Variants in SLC35F3 observed in about 807,000 individuals in gnomAD.
SLC35F3 encodes the protein solute carrier family 35 member F3, also known as putative thiamine transporter SLC35F3.
SLC35F3 carries 25 observed loss-of-function variants against 49.9 expected under a neutral mutation model. The ratio of observed to expected loss-of-function variants is 0.50; its 90% CI spans 0.37 to 0.70. SLC35F3 has a LOEUF of 0.70. SLC35F3 is among the 30% of genes least tolerant of loss of function. The probability of loss-of-function intolerance (pLI) is 0.00; values close to 1 mark genes in which losing one functional copy is unlikely to be tolerated. For missense variants in SLC35F3, 525 were observed against 639.8 expected, an observed-to-expected ratio of 0.82 and a Z score of 1.94; for synonymous variants, 275 against 265.4, an observed-to-expected ratio of 1.04 and a Z score of -0.35.
At chr1:234,136,304 C>T (rs7553669) in intron 2 of SLC35F3, among the ~76,000 whole-genome samples, 30,218 of 148,272 alleles carry the variant, frequency 0.2, 4,259 homozygotes, top group East Asian at 0.74. Flanking sequence ...TTTCTTTCTC[C>T]TTTCTCTCTT....
intron 2 of SLC35F3, among the ~76,000 whole-genome samples, chr1:234,115,835 GT>G (rs1318630561): frequency 1.3e-5 from 2 of 152,244 alleles, no homozygotes; most frequent in East Asian, 3.9e-4. Flanking sequence ...ATCTCAATCA[GT>G]TTTGAGGTTA....
At chr1:234,019,367 T>TGA (rs10631137) in intron 2 of SLC35F3, among the ~76,000 whole-genome samples, 22,585 of 151,674 alleles carry the variant, frequency 0.15, 2,935 homozygotes, top group African/African-American at 0.33. Flanking sequence ...GTGTGTGTAA[T>TGA]GAGAGAGAGA....
Position 234,316,738 on chromosome 1 carries a change from G to A in SLC35F3, c.954+11G>A. The stretch of plus-strand genomic sequence containing the variant: ...TCTGCCCTCTACAAGGTACGCCCGG[G>A]GAGTGAACTTTCTCAGCTGGCTGGG... On this transcript the variant is annotated intron_variant, in intron 5 of 7. Transcript: ENST00000366618. 6.3e-7 allele frequency: 1 copy of A among 1,592,112 alleles called. No individual in the cohort carries two copies. The highest frequency in any genetic ancestry group is 8.6e-7 in the Non-Finnish European group (1 of 1,162,152).
intron 2 of SLC35F3, among the ~76,000 whole-genome samples, chr1:234,171,421 G>A (rs1468895828): frequency 6.6e-6 from 1 of 152,180 alleles, no homozygotes; most frequent in East Asian, 1.9e-4. Flanking sequence ...GATGTGATCT[G>A]GCACATGTTG....
At chr1:233,931,980 C>G (rs1218117089) in intron 2 of SLC35F3, among the ~76,000 whole-genome samples, 1 of 152,178 alleles carries the variant, frequency 6.6e-6, no homozygotes, top group African/African-American at 2.4e-5. Context: ...AGGATGAGTT[C>G]ATGTCCTTTG....
chr1:234,041,530 C>G (rs1664221968), intron 2 of SLC35F3, among the ~76,000 whole-genome samples: 1 of 151,934 alleles, frequency 6.6e-6, no homozygotes. Context: ...ATGCAGCTAT[C>G]CATCTAGTGT....
Position 234,214,499 on chromosome 1 carries a change from A to C in SLC35F3, c.284-16918A>C. 1.3e-6 allele frequency: 2 copies of C among 1,535,096 alleles called. No homozygotes were observed. Among genetic ancestry groups the C allele is most frequent in the Non-Finnish European group, 1.8e-6 (2 of 1,142,424 alleles). On this transcript the variant is annotated intron_variant, in intron 2 of 7. Coordinates refer to ENST00000366618, the MANE Select transcript of SLC35F3 (RefSeq NM_173508.4). This position sits in a 1 kb window ranked among gnomAD's most constrained non-coding sequence, Gnocchi z 8.0. Reference sequence around the variant, plus strand: ...CGCTCCTGCAGGCGGCCGGCTCATCATGAAGAAGCACTCGGCCCGGGTGGC... The same window carrying C: ...CGCTCCTGCAGGCGGCCGGCTCATCCTGAAGAAGCACTCGGCCCGGGTGGC...
At chr1:233,938,538 C>G (rs774028219) in intron 2 of SLC35F3, among the ~76,000 whole-genome samples, 1 of 152,028 alleles carries the variant, frequency 6.6e-6, no homozygotes, top group Non-Finnish European at 1.5e-5. Context: ...GAGAACAACA[C>G]AAGGGTCATT....
At chr1:234,232,535 A>AAAAAAAAAAAG (rs1558268167) in intron 3 of SLC35F3, among the ~76,000 whole-genome samples, 18 of 144,660 alleles carry the variant, frequency 1.2e-4, no homozygotes, top group Non-Finnish European at 2.4e-4. Flanking sequence ...AAAAAAAAAA[A>AAAAAAAAAAAG]AAAAAGAAAA....
intron 2 of SLC35F3, among the ~76,000 whole-genome samples, chr1:234,103,430 G>T (rs1254080000): frequency 6.6e-6 from 1 of 152,156 alleles, no homozygotes; most frequent in Non-Finnish European, 1.5e-5. Flanking sequence ...TCCACAGGCT[G>T]TGCATGAGCA....
chr1:233,940,150 C>T (rs1041210091), intron 2 of SLC35F3, among the ~76,000 whole-genome samples: 1 of 152,006 alleles, frequency 6.6e-6, no homozygotes, highest in Non-Finnish European at 1.5e-5. Context: ...CTTTGTTCTG[C>T]GGTTTGCCTT....
intron 2 of SLC35F3, among the ~76,000 whole-genome samples, chr1:234,203,911 T>C (rs1479802307): frequency 3.9e-5 from 6 of 152,218 alleles, no homozygotes; most frequent in Non-Finnish European, 8.8e-5. Flanking sequence ...ATAGATAATA[T>C]GTAGCTAACA....
At chr1:233,962,202 C>T (rs185026916) in intron 2 of SLC35F3, among the ~76,000 whole-genome samples, 1 of 152,158 alleles carries the variant, frequency 6.6e-6, no homozygotes, top group African/African-American at 2.4e-5. Flanking sequence ...AAAGACCTAC[C>T]ATTTATATAA....
At chr1:233,916,462 G>C (rs907528163) in intron 2 of SLC35F3, among the ~76,000 whole-genome samples, 1 of 152,106 alleles carries the variant, frequency 6.6e-6, no homozygotes, top group Non-Finnish European at 1.5e-5. Flanking sequence ...GTAGAGACCA[G>C]GGCCTCACTA....
chr1:234,066,010 G>T (rs1329714730), intron 2 of SLC35F3, among the ~76,000 whole-genome samples: 1 of 152,156 alleles, frequency 6.6e-6, no homozygotes, highest in East Asian at 1.9e-4. Flanking sequence ...TTCCATCCCG[G>T]TTGCATCTTG....
chr1:234,276,105 A>T (rs1224854050), intron 3 of SLC35F3, among the ~76,000 whole-genome samples: 1 of 152,216 alleles, frequency 6.6e-6, no homozygotes, highest in African/African-American at 2.4e-5. Flanking sequence ...AGTAATGGTC[A>T]TCAACTCAGC....
chr1:234,259,524 T>C (rs1667869208), intron 3 of SLC35F3, among the ~76,000 whole-genome samples: 3 of 152,040 alleles, frequency 2.0e-5, no homozygotes, highest in Non-Finnish European at 4.4e-5. Context: ...GCCATCTTAT[T>C]AGCCAGGCAT....
intron 2 of SLC35F3, among the ~76,000 whole-genome samples, chr1:234,006,010 A>G (rs1298355053): frequency 1.3e-5 from 2 of 152,160 alleles, no homozygotes; most frequent in Non-Finnish European, 2.9e-5. Context: ...TCCTACTGAT[A>G]TATTCCAGGA....
At chr1:234,137,878 C>T (rs1228496874) in intron 2 of SLC35F3, among the ~76,000 whole-genome samples, 3 of 151,888 alleles carry the variant, frequency 2.0e-5, no homozygotes, top group South Asian at 2.1e-4. Context: ...ATCTGACTGG[C>T]GAGGAAAAAG....
Sources: gnomAD v4.1 joint callset for allele counts (sites outside exome capture counted in the v4.1 genomes callset) on GRCh38, gnomAD v4.1.1 for gene constraint, Gnocchi (gnomAD v3.1) non-coding constraint, MANE v1.5 for transcripts, NCBI Gene and HGNC (gene_info 2026-07-23, HGNC 2026-07-21) for gene names.